The following DAB1 variants were observed in gnomAD, a reference collection of about 807,000 sequenced individuals.
The protein encoded by DAB1 is disabled homolog 1.
A neutral mutation model predicts 64.6 loss-of-function variants in DAB1; 15 were observed. The observed-to-expected ratio is 0.23, with a 90% CI of 0.16 to 0.36. The LOEUF is 0.36. Among genes scored for constraint, DAB1 ranks in the 10% least tolerant of loss-of-function variants. The pLI, the probability that DAB1 is intolerant of heterozygous loss-of-function variation, is 1.00. For missense variants in DAB1, 596 were observed against 706.7 expected, an observed-to-expected ratio of 0.84 and a Z score of 1.78; for synonymous variants, 235 against 251.9, an observed-to-expected ratio of 0.93 and a Z score of 0.64.
chr1:58,414,593 A>G (rs578040195), intron 3 of DAB1, among the ~76,000 whole-genome samples: 1 of 152,326 alleles, frequency 6.6e-6, no homozygotes, highest in African/African-American at 2.4e-5. Flanking sequence ...TCAAAGAACC[A>G]TATGTAAGCA....
intron 2 of DAB1, among the ~76,000 whole-genome samples, chr1:57,239,606 C>T (rs908206037): frequency 1.3e-4 from 20 of 152,172 alleles, no homozygotes; most frequent in African/African-American, 3.9e-4. Flanking sequence ...TCCATCTGTC[C>T]TCAAAACAAT....
At chr1:57,773,344 T>TACACAC (rs60059518) in intron 6 of DAB1, among the ~76,000 whole-genome samples, 20,983 of 147,494 alleles carry the variant, frequency 0.14, 1,734 homozygotes, top group Admixed American at 0.25. Context: ...TTGAGTTGTA[T>TACACAC]ACACACACAC....
chr1:58,531,123 C>T (rs1646428338), intron 1 of DAB1, among the ~76,000 whole-genome samples: 1 of 152,120 alleles, frequency 6.6e-6, no homozygotes, highest in Admixed American at 6.5e-5. Context: ...GAAATCAAAC[C>T]CGGTCAGTTT....
At chr1:58,372,151 G>A (rs1478880816) in intron 3 of DAB1, among the ~76,000 whole-genome samples, 3 of 152,206 alleles carry the variant, frequency 2.0e-5, no homozygotes, top group Non-Finnish European at 4.4e-5. Context: ...CCAACGCCAG[G>A]CAATGAAAGC....
intron 5 of DAB1, among the ~76,000 whole-genome samples, chr1:57,908,391 C>T (rs1644589927): frequency 1.3e-5 from 2 of 152,108 alleles, no homozygotes; most frequent in South Asian, 4.2e-4. Flanking sequence ...GCCGATTTAA[C>T]CAATATAGAT....
At chr1:58,130,931 G>A (rs1653514376) in intron 5 of DAB1, among the ~76,000 whole-genome samples, 1 of 149,162 alleles carries the variant, frequency 6.7e-6, no homozygotes, top group African/African-American at 2.5e-5. Context: ...TGACAATTAT[G>A]TGTCTTGGAG....
At chr1:58,521,924 C>T (rs1299599792) in intron 2 of DAB1, among the ~76,000 whole-genome samples, 2 of 152,174 alleles carry the variant, frequency 1.3e-5, no homozygotes, top group African/African-American at 2.4e-5. Context: ...GCCAGCATAA[C>T]TTTGATTCCA....
At position 58,208,402 on chromosome 1, in the gene DAB1, T is replaced by C. The variant is rs12046993; in HGVS notation, n.310-57814A>G. On this transcript the variant is annotated intron_variant and non_coding_transcript_variant, in intron 4 of 20. Transcript: ENST00000485760. ...TTTGGTGCACCCATCACCTGAGCAGTGTACACTGTACTCAATGTATATTGT... is the reference window on the plus strand; with the variant it reads ...TTTGGTGCACCCATCACCTGAGCAGCGTACACTGTACTCAATGTATATTGT... 7.0e-3 allele frequency among the ~76,000 whole-genome samples: 1,069 copies of C among 152,296 alleles called. 41 individuals carry two copies. In the South Asian group the frequency reaches 0.098, roughly 14 times the overall value.
At chr1:58,493,156 C>A (rs925319583) in intron 3 of DAB1, among the ~76,000 whole-genome samples, 54 of 152,118 alleles carry the variant, frequency 3.5e-4, no homozygotes, top group African/African-American at 9.4e-4. Flanking sequence ...ACAGAACCAA[C>A]GAGAAAAACC....
At chr1:58,260,419 C>A (rs534617928) in intron 4 of DAB1, among the ~76,000 whole-genome samples, 63 of 152,306 alleles carry the variant, frequency 4.1e-4, no homozygotes, top group African/African-American at 1.3e-3. Context: ...GCTGGGCCCT[C>A]CCACCACTAT....
chr1:57,153,981 C>T (rs1377243732), intron 2 of DAB1, among the ~76,000 whole-genome samples: 1 of 152,154 alleles, frequency 6.6e-6, no homozygotes, highest in African/African-American at 2.4e-5. Flanking sequence ...TTGATACAAA[C>T]ATGCAATGCA....
At chr1:57,956,935 A>G (rs974464941) in intron 5 of DAB1, among the ~76,000 whole-genome samples, 2 of 152,104 alleles carry the variant, frequency 1.3e-5, no homozygotes, top group African/African-American at 2.4e-5. Flanking sequence ...CCTCAGAAAA[A>G]CCTTGGATCT....
intron 4 of DAB1, among the ~76,000 whole-genome samples, chr1:58,224,827 C>T (rs1054782411): frequency 1.3e-5 from 2 of 152,256 alleles, no homozygotes; most frequent in African/African-American, 4.8e-5. Flanking sequence ...GGATTAAAGA[C>T]TTAAATGTTA....
intron 7 of DAB1, among the ~76,000 whole-genome samples, chr1:57,528,634 C>A (rs1289595308): frequency 2.6e-5 from 2 of 75,824 alleles, no homozygotes; most frequent in African/African-American, 1.0e-4. Context: ...TTAAAAGCAG[C>A]AGGACACACA....
intron 5 of DAB1, among the ~76,000 whole-genome samples, chr1:58,094,933 T>C (rs1337482881): frequency 6.6e-6 from 1 of 152,240 alleles, no homozygotes; most frequent in South Asian, 2.1e-4. Flanking sequence ...AAGTTGCAAG[T>C]CCTTAAACTA....
At position 58,090,835 on chromosome 1, in the gene DAB1, T is replaced by C. The variant is rs188307061; in HGVS notation, n.387+59676A>G. ...CAGAGCAAGCACAGAGAAAGGATAA[T>C]TTGGTACATGTCAAGGAAGCTTTCC... On this transcript the variant is annotated intron_variant and non_coding_transcript_variant, in intron 5 of 20. Transcript: ENST00000485760. Among the ~76,000 whole-genome samples the C allele has an allele frequency of 2.1e-4, 32 of 152,280 alleles. No individual in the cohort carries two copies. The Middle Eastern group carries it at 0.01, about 49-fold the overall frequency.
intron 3 of DAB1, among the ~76,000 whole-genome samples, chr1:58,492,876 A>C (rs1645723483): frequency 6.6e-6 from 1 of 152,230 alleles, no homozygotes; most frequent in African/African-American, 2.4e-5. Flanking sequence ...AAACTATTCC[A>C]ATCAACAGAA....
chr1:57,924,461 T>C (rs1258078109), intron 5 of DAB1, among the ~76,000 whole-genome samples: 1 of 152,038 alleles, frequency 6.6e-6, no homozygotes, highest in Admixed American at 6.6e-5. Context: ...GTTACATTTT[T>C]TTTCATTTAT....
At chr1:57,728,971 A>G (rs900133229) in intron 6 of DAB1, among the ~76,000 whole-genome samples, 4 of 152,180 alleles carry the variant, frequency 2.6e-5, no homozygotes, top group Non-Finnish European at 5.9e-5. Context: ...GTAACTAATT[A>G]TGCTTATGTC....
Sources: allele counts gnomAD v4.1 joint callset (sites outside exome capture counted in the v4.1 genomes callset), GRCh38; gene constraint gnomAD v4.1.1; transcripts MANE v1.5; gene names NCBI Gene and HGNC (gene_info 2026-07-23, HGNC 2026-07-21).